C3orf52: variants seen among roughly 807,000 people sequenced by gnomAD.
C3orf52 encodes the protein chromosome 3 open reading frame 52, also known as TPA-induced transmembrane protein.
In C3orf52, 22 loss-of-function variants were observed where a neutral mutation model predicts 24.8. The observed-to-expected ratio is 0.89, with a 90% CI of 0.63 to 1.27. C3orf52 has a LOEUF of 1.27. Among genes scored for constraint, C3orf52 ranks in the 50% most tolerant of loss-of-function variants. The pLI is 0.00. For synonymous variants in C3orf52, 93 were observed against 100.2 expected (o/e 0.93, Z 0.43); for missense variants, 265 against 260.7 (o/e 1.02, Z -0.11).
intron 1 of C3orf52, among the ~76,000 whole-genome samples, chr3:112,089,824 A>G (rs930312747): frequency 6.6e-6 from 1 of 152,246 alleles, no homozygotes; most frequent in African/African-American, 2.4e-5. Flanking sequence ...TTAGACCTTT[A>G]TCTAAAGACG....
intron 4 of C3orf52, among the ~76,000 whole-genome samples, chr3:112,126,695 T>G (rs1312895957): frequency 6.6e-6 from 1 of 152,176 alleles, no homozygotes. Context: ...TTTCTTGCAG[T>G]TTCTTGTAAG....
At chr3:112,123,303 A>G (rs1461171270) in intron 4 of C3orf52, 1 of 1,418,154 alleles carries the variant, frequency 7.1e-7, no homozygotes, top group African/African-American at 1.4e-5. Context: ...GCGTGCTAAG[A>G]GGGCTTGTGG....
chr3:112,126,607 C>G (rs2107805136), intron 4 of C3orf52, among the ~76,000 whole-genome samples: 1 of 152,306 alleles, frequency 6.6e-6, no homozygotes, highest in East Asian at 1.9e-4. Flanking sequence ...AAGCCAGTAT[C>G]TCCTGCAGCT....
chr3:112,103,036 A>G (rs1450227026), intron 3 of C3orf52, 71 bp downstream of exon 3: 9 of 1,397,694 alleles, frequency 6.4e-6, no homozygotes, highest in Admixed American at 6.0e-5. Context: ...AATAATTGGC[A>G]TAGAGCTATA....
At position 112,102,970 on chromosome 3, in the gene C3orf52, T is replaced by C. The variant is rs1474740250; in HGVS notation, c.396+5T>C. 1.2e-6 allele frequency: 2 copies of C among 1,611,782 alleles called. No homozygotes were observed. The highest frequency in any genetic ancestry group is 1.7e-6 in the Non-Finnish European group (2 of 1,178,970). ...CCTCACCTGCTCACCGAAAGGGTAA[T>C]TCCATCTTATATATTGCCTAAGGAG... is the stretch of plus-strand genomic sequence containing the variant. On this transcript the variant is annotated splice_donor_5th_base_variant and intron_variant, in intron 3 of 5. Coordinates refer to ENST00000264848, the MANE Select transcript of C3orf52 (RefSeq NM_024616.3).
chr3:112,132,904 G>A, downstream of C3orf52: 2 of 576,334 alleles, frequency 3.5e-6, no homozygotes, highest in Non-Finnish European at 5.8e-6. Context: ...TTGGGAGAAG[G>A]CAAAACCTAT....
chr3:112,128,396 T>C, exon 5 of C3orf52: 3 of 435,018 alleles, frequency 6.9e-6, no homozygotes, highest in Non-Finnish European at 1.3e-5. Flanking sequence ...TACAAGTGTA[T>C]GGAAATTTTA....
intron 3 of C3orf52, among the ~76,000 whole-genome samples, chr3:112,104,438 T>C (rs1288898761): frequency 6.6e-6 from 1 of 152,176 alleles, no homozygotes; most frequent in African/African-American, 2.4e-5. Flanking sequence ...TCCATTCGAT[T>C]TGATTCCTAC....
At chr3:112,089,445 C>T (rs1271733921) in intron 1 of C3orf52, among the ~76,000 whole-genome samples, 1 of 149,938 alleles carries the variant, frequency 6.7e-6, no homozygotes, top group Non-Finnish European at 1.5e-5. Context: ...AGGAGACTCG[C>T]TTGAACCTGG....
At chr3:112,132,775 T>C, downstream of C3orf52, 2 of 505,554 alleles carry the variant, frequency 4.0e-6, no homozygotes, top group Non-Finnish European at 2.6e-6. Flanking sequence ...GGAGAGCATC[T>C]CCTTCCCGGG....
chr3:112,125,138 G>C (rs1576161878), intron 4 of C3orf52: 3 of 853,974 alleles, frequency 3.5e-6, no homozygotes, highest in Non-Finnish European at 6.1e-6. Context: ...GGGTCAGAAG[G>C]GATCTCAGAG....
chr3:112,104,266 G>A (rs1462268160), intron 3 of C3orf52, among the ~76,000 whole-genome samples: 5 of 152,116 alleles, frequency 3.3e-5, no homozygotes, highest in Non-Finnish European at 5.9e-5. Flanking sequence ...GCCAGACTAG[G>A]ACCGTTGGGT....
At chr3:112,118,642 T>C (rs185333346), downstream of C3orf52, among the ~76,000 whole-genome samples, 563 of 152,356 alleles carry the variant, frequency 3.7e-3, 3 homozygotes, top group African/African-American at 0.013. Flanking sequence ...AACTAACCTT[T>C]GTGACTAACA....
At chr3:112,116,610 G>T in intron 5 of C3orf52, 32 bp from the exon 6 acceptor site, 1 of 1,511,242 alleles carries the variant, frequency 6.6e-7, no homozygotes, top group Non-Finnish European at 8.9e-7. Flanking sequence ...TTAAAAATCA[G>T]TAACTTTTGT....
intron 3 of C3orf52, among the ~76,000 whole-genome samples, chr3:112,104,833 C>A (rs1479543835): frequency 3.3e-5 from 5 of 152,106 alleles, no homozygotes; most frequent in Non-Finnish European, 7.4e-5. Context: ...TCATTTATGT[C>A]TTATCTTCAC....
chr3:112,132,732 A>T (rs2074486757), downstream of C3orf52: 1 of 877,896 alleles, frequency 1.1e-6, no homozygotes. Flanking sequence ...GAGGGTGGTG[A>T]TTTTGACCTC....
intron 2 of C3orf52, among the ~76,000 whole-genome samples, chr3:112,095,391 T>C (rs973397472): frequency 1.2e-4 from 19 of 152,334 alleles, no homozygotes; most frequent in African/African-American, 4.6e-4. Flanking sequence ...CCTGTTGGCA[T>C]CTGGGGCCTA....
At chr3:112,091,755 A>G (rs2107774587) in intron 1 of C3orf52, among the ~76,000 whole-genome samples, 1 of 152,338 alleles carries the variant, frequency 6.6e-6, no homozygotes, top group East Asian at 1.9e-4. Context: ...CTGTAATCCC[A>G]GCACTTTGGG....
At chr3:112,110,482 ATTAC>A (rs565761204) in intron 4 of C3orf52, among the ~76,000 whole-genome samples, 42 of 152,206 alleles carry the variant, frequency 2.8e-4, no homozygotes, top group African/African-American at 1.0e-3. Flanking sequence ...GTTGAGTGTA[ATTAC>A]TTCTGTTCAT....
Sources: allele counts gnomAD v4.1 joint callset (sites outside exome capture counted in the v4.1 genomes callset), GRCh38; gene constraint gnomAD v4.1.1; transcripts MANE v1.5; gene names NCBI Gene and HGNC (gene_info 2026-07-23, HGNC 2026-07-21).